Variants in ACSM1 observed in about 807,000 individuals in gnomAD.
ACSM1 encodes the protein acyl-CoA synthetase medium chain family member 1, also known as acyl-coenzyme A synthetase ACSM1, mitochondrial.
A neutral mutation model predicts 75.8 loss-of-function variants in ACSM1; 79 were observed. That is an observed-to-expected ratio of 1.04 (90% CI 0.87 to 1.26). The LOEUF is 1.26. ACSM1 is among the 50% of genes most tolerant of loss of function. The pLI, the probability that ACSM1 is intolerant of heterozygous loss-of-function variation, is 0.00. For missense variants in ACSM1, 676 were observed against 720.1 expected, an observed-to-expected ratio of 0.94 and a Z score of 0.70; for synonymous variants, 279 against 265.8, an observed-to-expected ratio of 1.05 and a Z score of -0.48.
At chr16:20,655,953 G>A (rs890948636) in intron 7 of ACSM1, among the ~76,000 whole-genome samples, 1 of 152,110 alleles carries the variant, frequency 6.6e-6, no homozygotes, top group Non-Finnish European at 1.5e-5. Context: ...GAGTCACTGT[G>A]CCTGGCTGAC....
intron 4 of ACSM1, among the ~76,000 whole-genome samples, chr16:20,675,168 T>G (rs1206362904): frequency 6.6e-6 from 1 of 151,878 alleles, no homozygotes; most frequent in African/African-American, 2.4e-5. Flanking sequence ...AAGTGGTGTG[T>G]GTATGTGTGT....
intron 4 of ACSM1, among the ~76,000 whole-genome samples, chr16:20,672,345 GGC>G (rs2019960796): frequency 6.8e-6 from 1 of 147,806 alleles, no homozygotes; most frequent in Non-Finnish European, 1.5e-5. Flanking sequence ...CTACTCGGGA[GGC>G]TGAGCCAGGA....
intron 1 of ACSM1, among the ~76,000 whole-genome samples, chr16:20,697,036 G>A (rs2079693471): frequency 6.6e-6 from 1 of 152,090 alleles, no homozygotes; most frequent in African/African-American, 2.4e-5. Flanking sequence ...AAATGTTGAG[G>A]TACCTTTTAA....
At position 20,627,281 on chromosome 16, in the gene ACSM1, C is replaced by G. The variant is rs1167848881; in HGVS notation, c.1335G>C (p.Gly445=). 1.3e-6 allele frequency: 2 copies of G among 1,584,040 alleles called. No individual in the cohort carries two copies. The highest frequency in any genetic ancestry group is 2.7e-5 in the African/African-American group (2 of 73,146). Residue 445 remains glycine (G), a synonymous_variant, in exon 11 of 14, where the codon GGG becomes GGC. Coordinates refer to ENST00000520010, the MANE Select transcript of ACSM1 (RefSeq NM_001318890.3). ...DPEKTAKVEC[G]DFYNTGDRGK... ...CTCTGTCCCCAGTGTTGTAGAAGTC[C>G]CCACATTCCACTTTAGCTGTCTTCT...
At position 20,625,522 on chromosome 16, in the gene ACSM1, C is replaced by A; in HGVS notation, c.1428G>T (p.Gly476=). 6.2e-7 allele frequency: 1 copy of A among 1,613,762 alleles called. No individual in the cohort carries two copies. Among genetic ancestry groups the A allele is most frequent in the Non-Finnish European group, 8.5e-7 (1 of 1,179,916 alleles). ...CAACCTCTGCAGGCCCGATGCGATA[C>A]CTGGAGGATGAAGGGTTCTGAGGCA... The part of the protein sequence containing the change: ...GRSDDIINAS[G]YRIGPAEVES... The change falls in exon 12 of 14, where the codon GGG becomes GGT. Residue 476 remains glycine (G), a splice_region_variant and synonymous_variant. Transcript: ENST00000520010.
intron 7 of ACSM1, among the ~76,000 whole-genome samples, chr16:20,643,773 A>G (rs2018203893): frequency 6.6e-6 from 1 of 152,168 alleles, no homozygotes; most frequent in African/African-American, 2.4e-5. Flanking sequence ...ACAATCCTTT[A>G]GCTAGACAGA....
chr16:20,658,131 G>A (rs535141827), intron 7 of ACSM1, among the ~76,000 whole-genome samples: 2 of 152,174 alleles, frequency 1.3e-5, no homozygotes, highest in Non-Finnish European at 2.9e-5. Flanking sequence ...CCAGTAATGG[G>A]ATTGCTGGGT....
At chr16:20,632,168 C>G (rs979758249) in intron 10 of ACSM1, among the ~76,000 whole-genome samples, 1 of 152,108 alleles carries the variant, frequency 6.6e-6, no homozygotes, top group Non-Finnish European at 1.5e-5. Context: ...AAACCTTACA[C>G]TTTAGGGAAC....
At chr16:20,685,154 C>G in intron 3 of ACSM1, 39 bp downstream of exon 3, 1 of 1,608,936 alleles carries the variant, frequency 6.2e-7, no homozygotes, top group Non-Finnish European at 8.5e-7. Context: ...GGTTCTAGAA[C>G]AGCCCCGAGG....
intron 6 of ACSM1, among the ~76,000 whole-genome samples, chr16:20,666,460 C>T (rs1248170734): frequency 2.0e-5 from 3 of 152,120 alleles, no homozygotes; most frequent in Non-Finnish European, 4.4e-5. Context: ...CAAAACACTG[C>T]TGAAAGAAAT....
chr16:20,690,639 C>G (rs1255025259), intron 2 of ACSM1, among the ~76,000 whole-genome samples: 1 of 152,222 alleles, frequency 6.6e-6, no homozygotes, highest in Non-Finnish European at 1.5e-5. Flanking sequence ...CCAGTTAAGA[C>G]ACATTGTCCC....
At position 20,627,291 on chromosome 16, in the gene ACSM1, A is replaced by C; in HGVS notation, c.1325T>G (p.Val442Gly). Residue 442 changes from valine (V) to glycine (G), a missense_variant, in exon 11 of 14, where the codon GTG becomes GGG. Coordinates refer to ENST00000520010, the MANE Select transcript of ACSM1 (RefSeq NM_001318890.3). Reference sequence around the variant, plus strand: ...AGTGTTGTAGAAGTCCCCACATTCCACTTTAGCTGTCTTCTCTGGGTCACC... The same window carrying C: ...AGTGTTGTAGAAGTCCCCACATTCCCCTTTAGCTGTCTTCTCTGGGTCACC... ...YEGDPEKTAK[V>G]ECGDFYNTGD... is the part of the protein sequence containing the mutation. 6.3e-7 allele frequency: 1 copy of C among 1,580,944 alleles called. No homozygotes were observed. Among genetic ancestry groups the C allele is most frequent in the Non-Finnish European group, 8.6e-7 (1 of 1,166,140 alleles).
At chr16:20,640,700 C>G in intron 7 of ACSM1, 116 bp from the exon 8 acceptor site, 1 of 1,503,878 alleles carries the variant, frequency 6.6e-7, no homozygotes, top group Non-Finnish European at 8.9e-7. Flanking sequence ...TTCTTATTTA[C>G]TTTTTGGTCA....
chr16:20,661,346 G>T (rs1395643675), intron 7 of ACSM1, among the ~76,000 whole-genome samples: 1 of 152,098 alleles, frequency 6.6e-6, no homozygotes, highest in African/African-American at 2.4e-5. Context: ...TTTGGTTAGG[G>T]ATAGTTCCTT....
chr16:20,686,591 AC>A (rs2079558148), intron 2 of ACSM1, among the ~76,000 whole-genome samples: 1 of 152,186 alleles, frequency 6.6e-6, no homozygotes. Flanking sequence ...TACCTACATA[AC>A]AAACCTACAT....
chr16:20,674,137 T>C (rs2020126088), intron 4 of ACSM1: 4 of 442,484 alleles, frequency 9.0e-6, no homozygotes, highest in Non-Finnish European at 1.8e-5. Context: ...AAAGAATGTG[T>C]AAGCAAAAAC....
chr16:20,623,456 G>T lies in ACSM1; in HGVS notation c.*30C>A, dbSNP rs377562681. The stretch of plus-strand genomic sequence containing the variant: ...TAAAGTGGCCAGGGATTTGCCTTAG[G>T]TGTGCAGTGCGTTCTGAGTTCACTG... On this transcript the variant is annotated 3_prime_UTR_variant, in exon 14 of 14. Coordinates refer to ENST00000520010, the MANE Select transcript of ACSM1 (RefSeq NM_001318890.3). 2 of 1,601,210 alleles carry T rather than the reference G, an allele frequency of 1.2e-6. No individual in the cohort carries two copies. The highest frequency in any genetic ancestry group is 1.7e-5 in the Admixed American group (1 of 59,948).
chr16:20,627,863 T>G (rs1301589412), intron 10 of ACSM1, among the ~76,000 whole-genome samples: 17 of 93,158 alleles, frequency 1.8e-4, no homozygotes, highest in Non-Finnish European at 3.2e-4. Context: ...TCTCTCTGTA[T>G]GTATACATAT....
intron 6 of ACSM1, among the ~76,000 whole-genome samples, chr16:20,668,912 G>T (rs773206282): frequency 6.6e-6 from 1 of 152,186 alleles, no homozygotes; most frequent in Non-Finnish European, 1.5e-5. Flanking sequence ...CTAGCGAAAA[G>T]TGAGAGACTG....
Sources: gnomAD v4.1 joint callset for allele counts (sites outside exome capture counted in the v4.1 genomes callset) on GRCh38, gnomAD v4.1.1 for gene constraint, MANE v1.5 for transcripts, NCBI Gene and HGNC (gene_info 2026-07-23, HGNC 2026-07-21) for gene names.